The following CAST variants were observed in gnomAD, a reference collection of about 807,000 sequenced individuals.
CAST encodes calpastatin, also known as MIR583 host.
A neutral mutation model predicts 119.6 loss-of-function variants in CAST; 76 were observed. The observed-to-expected ratio is 0.64, with a 90% confidence interval of 0.53 to 0.77. CAST has a LOEUF of 0.77. CAST is among the 30% of genes least tolerant of loss of function. CAST has a pLI of 0.00. For missense variants in CAST, 953 were observed against 946.5 expected (o/e 1.01, Z -0.09); for synonymous variants, 319 against 331.6 (o/e 0.96, Z 0.41).
chr5:96,287,844 C>CA, the CAST span, among the ~76,000 whole-genome samples: 1 of 150,572 alleles, frequency 6.6e-6, no homozygotes, highest in East Asian at 1.9e-4. Context: ...GACTCTGTCT[C>CA]AAAAAAAGAA....
the CAST span, among the ~76,000 whole-genome samples, chr5:96,079,974 G>C: frequency 6.6e-6 from 1 of 152,226 alleles, no homozygotes; most frequent in South Asian, 2.1e-4. Context: ...ACATATTCGT[G>C]CATTTGTGTG....
chr5:96,658,256 G>A (rs2150206163), upstream of CAST, among the ~76,000 whole-genome samples: 1 of 151,876 alleles, frequency 6.6e-6, no homozygotes, highest in Non-Finnish European at 1.5e-5. Context: ...TTGGTTTCTT[G>A]TTGCCTAACA....
the CAST span, among the ~76,000 whole-genome samples, chr5:96,051,438 G>T: frequency 2.0e-5 from 3 of 152,080 alleles, no homozygotes; most frequent in Non-Finnish European, 2.9e-5. Context: ...TAAAATTCTG[G>T]CAGGAAGTAG....
chr5:96,744,764 C>T (rs26507), intron 16 of CAST, among the ~76,000 whole-genome samples: 106,203 of 151,958 alleles, frequency 0.7, 37,721 homozygotes, highest in Admixed American at 0.79. Context: ...GGAGTGTCCA[C>T]TGCCACCCCA....
intron 1 of CAST, among the ~76,000 whole-genome samples, chr5:96,567,773 T>C (rs1295077936): frequency 1.3e-5 from 2 of 152,200 alleles, no homozygotes; most frequent in African/African-American, 4.8e-5. Flanking sequence ...AGGAGAGATA[T>C]AAAGACCCAT....
chr5:96,620,076 G>C (rs998951172), intron 1 of CAST, among the ~76,000 whole-genome samples: 2 of 152,230 alleles, frequency 1.3e-5, no homozygotes, highest in African/African-American at 4.8e-5. Flanking sequence ...CAGGCAGTAA[G>C]GAGAATGGCA....
chr5:96,765,117 C>A, intron 25 of CAST, 104 bp from the exon 26 acceptor site: 1 of 709,138 alleles, frequency 1.4e-6, no homozygotes, highest in Non-Finnish European at 2.5e-6. Flanking sequence ...TCTTTTTCTT[C>A]CAAGGAAACA....
the CAST span, among the ~76,000 whole-genome samples, chr5:96,437,702 C>T: frequency 2.6e-5 from 4 of 152,150 alleles, no homozygotes; most frequent in East Asian, 7.7e-4. Flanking sequence ...CCCAGAACTA[C>T]TGAATCAGAA....
chr5:95,977,660 T>G, the CAST span, among the ~76,000 whole-genome samples: 1 of 152,148 alleles, frequency 6.6e-6, no homozygotes, highest in African/African-American at 2.4e-5. Flanking sequence ...TTTTTTCACT[T>G]TTTTTTAAGT....
intron 2 of CAST, among the ~76,000 whole-genome samples, chr5:96,693,705 C>T (rs1752980969): frequency 6.6e-6 from 1 of 152,198 alleles, no homozygotes; most frequent in South Asian, 2.1e-4. Flanking sequence ...TCCATTTGTA[C>T]ATTAAGGTTG....
the CAST span, among the ~76,000 whole-genome samples, chr5:96,354,739 A>G: frequency 6.7e-6 from 1 of 149,142 alleles, no homozygotes; most frequent in South Asian, 2.1e-4. Flanking sequence ...TGTTATGCAT[A>G]TTATTAATTT....
chr5:96,089,847 G>T, the CAST span, among the ~76,000 whole-genome samples: 3 of 152,170 alleles, frequency 2.0e-5, no homozygotes, highest in Non-Finnish European at 4.4e-5. Context: ...CTAAATAAAT[G>T]ATAAGTAAAT....
intron 2 of CAST, among the ~76,000 whole-genome samples, chr5:96,682,983 C>T (rs907253087): frequency 6.6e-6 from 1 of 152,144 alleles, no homozygotes; most frequent in Admixed American, 6.5e-5. Context: ...TCCTCCCACA[C>T]CCTGCCCACT....
At chr5:96,383,329 C>T in the CAST span, among the ~76,000 whole-genome samples, 1 of 152,174 alleles carries the variant, frequency 6.6e-6, no homozygotes, top group Non-Finnish European at 1.5e-5. Flanking sequence ...GGCTAGTGTG[C>T]TAGTGTGCTA....
At chr5:96,600,321 T>C (rs1747127075) in intron 1 of CAST, among the ~76,000 whole-genome samples, 1 of 152,206 alleles carries the variant, frequency 6.6e-6, no homozygotes, top group Non-Finnish European at 1.5e-5. Flanking sequence ...CAGATTTCTT[T>C]GAACTATGGT....
chr5:96,642,042 C>T (rs1256913043), intron 1 of CAST, among the ~76,000 whole-genome samples: 1 of 152,194 alleles, frequency 6.6e-6, no homozygotes, highest in African/African-American at 2.4e-5. Flanking sequence ...CTCAGCAAAA[C>T]ATCTCAGAAA....
chr5:95,990,582 C>T, the CAST span, among the ~76,000 whole-genome samples: 1 of 151,862 alleles, frequency 6.6e-6, no homozygotes, highest in Non-Finnish European at 1.5e-5. Flanking sequence ...TTGTTCTACA[C>T]TTAAAAGAAA....
At chr5:96,724,054 CAGTTTTTAAATTT>C (rs1758783448) in intron 4 of CAST, among the ~76,000 whole-genome samples, 1 of 152,130 alleles carries the variant, frequency 6.6e-6, no homozygotes, top group Non-Finnish European at 1.5e-5. Flanking sequence ...CTAAAATTAT[CAGTTTTTAAATTT>C]AGTATTTAAA....
chr5:96,080,023 T>TA, the CAST span, among the ~76,000 whole-genome samples: 2 of 152,192 alleles, frequency 1.3e-5, no homozygotes, highest in African/African-American at 4.8e-5. Flanking sequence ...ATAGGTTGAA[T>TA]AACAGCATGA....
Sources: allele counts gnomAD v4.1 joint callset (sites outside exome capture counted in the v4.1 genomes callset), GRCh38; gene constraint gnomAD v4.1.1; transcripts MANE v1.5; gene names NCBI Gene and HGNC (gene_info 2026-07-23, HGNC 2026-07-21).